TMEM266: variants seen among roughly 807,000 people sequenced by gnomAD.
TMEM266 encodes Hv1 related protein 1.
A neutral mutation model predicts 50.5 loss-of-function variants in TMEM266; 33 were observed. That is an observed-to-expected ratio of 0.65 (90% confidence interval 0.50 to 0.87). The LOEUF (loss-of-function observed/expected upper bound fraction) is 0.87, where lower values mean the gene tolerates loss of function less well. Ranked by LOEUF, TMEM266 falls within the 40% of genes least tolerant of loss-of-function variation. The pLI is 0.00. For synonymous variants in TMEM266, 310 were observed against 292.3 expected, an observed-to-expected ratio of 1.06 and a Z score of -0.62; for missense variants, 655 against 695.1, an observed-to-expected ratio of 0.94 and a Z score of 0.65.
At chr15:76,142,808 T>C (rs2037700180) in intron 3 of TMEM266, among the ~76,000 whole-genome samples, 1 of 152,174 alleles carries the variant, frequency 6.6e-6, no homozygotes, top group Non-Finnish European at 1.5e-5. Flanking sequence ...AGCTGTCTGC[T>C]GCTCCTCTCT....
intron 8 of TMEM266, among the ~76,000 whole-genome samples, chr15:76,183,635 A>G (rs900440508): frequency 5.3e-5 from 8 of 152,226 alleles, no homozygotes; most frequent in African/African-American, 1.9e-4. Flanking sequence ...AGTCGCCTGC[A>G]CAGTCACCCA....
rs565235134 is a variant in TMEM266 at position 76,160,549 on chromosome 15, G to A, written c.456+381G>A. ...TGAAGCCAGGTGCCCACACAGGGAA[G>A]CTCTTGGGCCGCTGTGGCTGTGGTC... On this transcript the variant is annotated intron_variant, in intron 5 of 10. Transcript: ENST00000388942. The surrounding 1 kb of genome is among the most constrained non-coding windows in gnomAD (Gnocchi z 5.7). Among the ~76,000 whole-genome samples, 1 of 152,228 alleles carries A rather than the reference G, an allele frequency of 6.6e-6. No homozygotes were observed. The highest frequency in any genetic ancestry group is 1.5e-5 in the Non-Finnish European group (1 of 68,042).
At chr15:76,184,440 T>G (rs2038465388) in intron 8 of TMEM266, among the ~76,000 whole-genome samples, 2 of 152,254 alleles carry the variant, frequency 1.3e-5, no homozygotes, top group Non-Finnish European at 2.9e-5. Context: ...AGCTTTACTC[T>G]GCTCCTAAAT....
At chr15:76,199,765 C>CCTCCCTCT (rs1399563401) in intron 9 of TMEM266, among the ~76,000 whole-genome samples, 1 of 151,724 alleles carries the variant, frequency 6.6e-6, no homozygotes, top group Non-Finnish European at 1.5e-5. Flanking sequence ...AACACTAGTC[C>CCTCCCTCT]CTCCCTCCCA....
chr15:76,192,076 C>A lies in TMEM266; in HGVS notation c.877C>A (p.Arg293Ser). ...GCACGTGCTCAGCCAGCCGCGCAGC[C>A]GCTTCAAAGTGTTGGAGGCCGGCAC... Residue 293 changes from arginine (R) to serine (S), a missense_variant, in exon 9 of 11, where the codon CGC (arginine) becomes AGC (serine). Coordinates refer to ENST00000388942, the MANE Select transcript of TMEM266 (RefSeq NM_152335.3). 3.4e-6 allele frequency: 5 copies of A among 1,475,012 alleles called. No homozygotes were observed. Among genetic ancestry groups the A allele is most frequent in the Non-Finnish European group, 4.5e-6 (5 of 1,117,874 alleles). 91.4% of individuals were successfully genotyped at this position (1,475,012 alleles called of 1,614,324 possible).
At chr15:76,073,451 T>A (rs1294930686) in intron 1 of TMEM266, among the ~76,000 whole-genome samples, 1 of 152,192 alleles carries the variant, frequency 6.6e-6, no homozygotes, top group Non-Finnish European at 1.5e-5. Context: ...CAGGCTGGTC[T>A]CGAACTCCTG....
chr15:76,182,167 G>C (rs948001710), intron 8 of TMEM266, among the ~76,000 whole-genome samples: 1 of 152,018 alleles, frequency 6.6e-6, no homozygotes, highest in Non-Finnish European at 1.5e-5. Context: ...CCTCTTATTC[G>C]GGGAGCCAGC....
intron 1 of TMEM266, among the ~76,000 whole-genome samples, chr15:76,121,776 G>GAATCATTAGTT (rs1293879553): frequency 6.6e-6 from 1 of 152,156 alleles, no homozygotes; most frequent in Non-Finnish European, 1.5e-5. Context: ...CCAGCGTGAG[G>GAATCATTAGTT]AATCATTAGT....
intron 6 of TMEM266, 64 bp downstream of exon 6, chr15:76,169,936 G>A: frequency 6.5e-7 from 1 of 1,541,728 alleles, no homozygotes; most frequent in Non-Finnish European, 9.0e-7. Flanking sequence ...AAAACGTCAT[G>A]TCCCATCCAT....
chr15:76,154,576 T>G (rs55712906), intron 3 of TMEM266, among the ~76,000 whole-genome samples: 1,907 of 152,122 alleles, frequency 0.013, 33 homozygotes, highest in African/African-American at 0.044. Context: ...CCCATACTCT[T>G]GGACCATGCG....
intron 3 of TMEM266, among the ~76,000 whole-genome samples, chr15:76,143,499 C>T (rs1285543462): frequency 3.9e-5 from 6 of 152,174 alleles, no homozygotes; most frequent in Admixed American, 1.3e-4. Flanking sequence ...CTGTTATAAC[C>T]ATGACCTCCT....
intron 1 of TMEM266, among the ~76,000 whole-genome samples, chr15:76,108,815 C>G (rs1362073792): frequency 6.6e-6 from 1 of 152,062 alleles, no homozygotes; most frequent in Non-Finnish European, 1.5e-5. Flanking sequence ...TCTTGTCACC[C>G]CTTTGTTAGA....
intron 1 of TMEM266, among the ~76,000 whole-genome samples, chr15:76,106,120 G>A (rs2037076102): frequency 6.6e-6 from 1 of 152,044 alleles, no homozygotes; most frequent in African/African-American, 2.4e-5. Context: ...TCCTCCCTCT[G>A]CACTGTTTCT....
intron 3 of TMEM266, among the ~76,000 whole-genome samples, chr15:76,155,569 G>A (rs1025760352): frequency 1.3e-5 from 2 of 152,132 alleles, no homozygotes; most frequent in African/African-American, 2.4e-5. Context: ...AGGGTGTCAC[G>A]GTCCAGCAAG....
In TMEM266 at chr15:76,160,425, T is replaced by G. The variant is rs1311518346; in HGVS notation, c.456+257T>G. ...AGTGGATGAGCAGGTGTTCTCCAGG[T>G]GAGGGGTGGGCGATGACTGGTGAAG... On this transcript the variant is annotated intron_variant, in intron 5 of 10. Coordinates refer to ENST00000388942, the MANE Select transcript of TMEM266 (RefSeq NM_152335.3). The surrounding 1 kb of genome is among the most constrained non-coding windows in gnomAD (Gnocchi z 5.7). Among the ~76,000 whole-genome samples, 1 of 151,910 alleles carries G rather than the reference T, an allele frequency of 6.6e-6. No individual in the cohort carries two copies. The highest frequency in any genetic ancestry group is 1.5e-5 in the Non-Finnish European group (1 of 67,972).
intron 1 of TMEM266, among the ~76,000 whole-genome samples, chr15:76,094,444 C>T (rs926169413): frequency 3.3e-5 from 5 of 152,042 alleles, no homozygotes; most frequent in Non-Finnish European, 5.9e-5. Context: ...GGTGTTACTT[C>T]TGAGGTTGCT....
At chr15:76,095,255 A>G (rs910441447) in intron 1 of TMEM266, among the ~76,000 whole-genome samples, 7 of 152,076 alleles carry the variant, frequency 4.6e-5, no homozygotes, top group African/African-American at 1.7e-4. Flanking sequence ...TGGGTTTGTC[A>G]TAAATAGCTC....
At chr15:76,146,920 G>A (rs1371585863) in intron 3 of TMEM266, among the ~76,000 whole-genome samples, 4 of 152,222 alleles carry the variant, frequency 2.6e-5, no homozygotes, top group Admixed American at 6.5e-5. Context: ...CTCCAGTACC[G>A]GGCCAGGGGC....
intron 5 of TMEM266, among the ~76,000 whole-genome samples, chr15:76,163,784 G>C (rs1044414484): frequency 6.6e-6 from 1 of 152,242 alleles, no homozygotes; most frequent in African/African-American, 2.4e-5. Context: ...CTCTTTCCCT[G>C]GGAGAAGAGA....
Sources: allele counts gnomAD v4.1 joint callset (sites outside exome capture counted in the v4.1 genomes callset), GRCh38; gene constraint gnomAD v4.1.1; non-coding constraint Gnocchi (gnomAD v3.1); transcripts MANE v1.5; gene names NCBI Gene and HGNC (gene_info 2026-07-23, HGNC 2026-07-21).